Variants in HDAC9 observed in about 807,000 individuals in gnomAD.
The protein encoded by HDAC9 is MEF-2 interacting transcription repressor (MITR) protein.
HDAC9 carries 41 observed loss-of-function variants against 139.4 expected under a neutral mutation model. The ratio of observed to expected loss-of-function variants is 0.29; its 90% CI spans 0.23 to 0.38. The LOEUF (loss-of-function observed/expected upper bound fraction) is 0.38, where lower values mean the gene tolerates loss of function less well. Among genes scored for constraint, HDAC9 ranks in the 10% least tolerant of loss-of-function variants. The pLI is 1.00. For synonymous variants in HDAC9, 517 were observed against 476.2 expected, an observed-to-expected ratio of 1.09 and a Z score of -1.12; for missense variants, 1,147 against 1,297.0, an observed-to-expected ratio of 0.88 and a Z score of 1.78.
At position 18,162,346 on chromosome 7, in the gene HDAC9, C is replaced by G. The variant is rs1310207958; in HGVS notation, c.22C>G (p.Pro8Ala). The change falls in exon 2 of 13, where the codon CCT (proline) becomes GCT (alanine). Residue 8 changes from proline to alanine, a missense_variant. Physicochemically the swap from Pro to Ala is conservative, Grantham distance 27. Coordinates refer to the HDAC9 transcript ENST00000417496. ...TCTCATGATGAGCTCACCTGCACAGCCTGGTCAGTCTGGTTGCTTCTTAAA... is the reference window on the plus strand; with the variant it reads ...TCTCATGATGAGCTCACCTGCACAGGCTGGTCAGTCTGGTTGCTTCTTAAA... 4 of 1,534,886 alleles carry G rather than the reference C, an allele frequency of 2.6e-6. No individual in the cohort carries two copies. In the African/African-American group the frequency reaches 4.1e-5, roughly 16 times the overall value.
chr7:18,286,257 G>A (rs1797444815), upstream of HDAC9, among the ~76,000 whole-genome samples: 1 of 151,652 alleles, frequency 6.6e-6, no homozygotes, highest in Non-Finnish European at 1.5e-5. Context: ...AAAAGAAAAG[G>A]TAATATCTCT....
rs372552030 is a variant in HDAC9, at chr7:18,109,557, CACATTAAGATATT to C, written c.-97+22346_-97+22358del. On this transcript the variant is annotated intron_variant, in intron 1 of 12. Coordinates refer to the HDAC9 transcript ENST00000417496. ...TACATAGATGGATTTCATAGAGAGG[CACATTAAGATATT>C]AACAGTGCTGAGAAGTGCAGCAATA... is the stretch of plus-strand genomic sequence containing the variant. Among the ~76,000 whole-genome samples, 592 of 151,996 alleles carry C rather than the reference CACATTAAGATATT, an allele frequency of 3.9e-3. 1 individual carries two copies. The highest frequency in any genetic ancestry group is 6.0e-3 in the Non-Finnish European group (409 of 67,974).
chr7:18,913,762 A>G (rs563377870), intron 22 of HDAC9, among the ~76,000 whole-genome samples: 1 of 152,212 alleles, frequency 6.6e-6, no homozygotes, highest in South Asian at 2.1e-4. Flanking sequence ...CAGTGAATGG[A>G]TTAAAAAACA....
At chr7:18,994,043 G>A (rs1786246037) in intron 25 of HDAC9, among the ~76,000 whole-genome samples, 1 of 152,194 alleles carries the variant, frequency 6.6e-6, no homozygotes, top group African/African-American at 2.4e-5. Flanking sequence ...GTGGGTTGCA[G>A]TGTAGACAGC....
At chr7:18,558,158 C>G (rs1313213089) in intron 2 of HDAC9, among the ~76,000 whole-genome samples, 3 of 152,100 alleles carry the variant, frequency 2.0e-5, no homozygotes, top group African/African-American at 7.2e-5. Context: ...GTCATCTTCT[C>G]TGATCCATCA....
chr7:18,786,666 C>T lies in HDAC9; in HGVS notation c.2215-6679C>T, dbSNP rs1206357561. On this transcript the variant is annotated intron_variant, in intron 16 of 25. Transcript: ENST00000686413. ...TCTTCCCTCCTTCTTTCCTCCCTTC[C>T]TCCCTTCCTTCCTTTTTGCTCACAT... 2.4e-4 allele frequency among the ~76,000 whole-genome samples: 29 copies of T among 119,652 alleles called. 2 individuals are homozygous for T. The highest frequency in any genetic ancestry group is 1.9e-4 in the Non-Finnish European group (11 of 58,466). The allele number at this position is 119,652 out of a possible 152,430, so 78.5% of individuals were successfully genotyped here. A position where few individuals can be genotyped will look rare whatever the true frequency, so the allele number is the denominator to read the frequency against.
At position 18,537,399 on chromosome 7, in the gene HDAC9, A is replaced by G. The variant is rs1390799952; in HGVS notation, c.22+41075A>G. Among the ~76,000 whole-genome samples, 4 of 152,210 alleles carry G rather than the reference A, an allele frequency of 2.6e-5. 1 individual carries two copies. The highest frequency in any genetic ancestry group is 4.1e-4 in the South Asian group (2 of 4,832). On this transcript the variant is annotated intron_variant, in intron 2 of 25. Transcript: ENST00000686413. Reference sequence around the variant, plus strand: ...TGAAAAATAGCTTGTATCGAATTGCATTTTACAGTGATTGTGCTGCACTCA... The same window carrying G: ...TGAAAAATAGCTTGTATCGAATTGCGTTTTACAGTGATTGTGCTGCACTCA...
At chr7:18,696,516 G>C (rs1455742722) in intron 12 of HDAC9, among the ~76,000 whole-genome samples, 2 of 149,600 alleles carry the variant, frequency 1.3e-5, no homozygotes, top group East Asian at 1.9e-4. Flanking sequence ...TCTCCAGGCT[G>C]GAGTGCAGTG....
At chr7:18,590,288 TGA>T in intron 3 of HDAC9, 46 bp from the exon 4 acceptor site, 1 of 1,600,222 alleles carries the variant, frequency 6.2e-7, no homozygotes, top group Non-Finnish European at 8.5e-7. Flanking sequence ...GTGATGACTA[TGA>T]AGCCTAAAGA....
chr7:18,449,096 CT>C (rs1351218761), intron 1 of HDAC9, among the ~76,000 whole-genome samples: 1 of 152,032 alleles, frequency 6.6e-6, no homozygotes, highest in Non-Finnish European at 1.5e-5. Flanking sequence ...GTATGTATAC[CT>C]TAAGACCCTG....
chr7:18,483,388 G>A (rs1016654701), intron 1 of HDAC9, among the ~76,000 whole-genome samples: 1 of 152,278 alleles, frequency 6.6e-6, no homozygotes, highest in Non-Finnish European at 1.5e-5. Context: ...TTCAGAAAAA[G>A]CAGAATAAAG....
intron 2 of HDAC9, among the ~76,000 whole-genome samples, chr7:18,200,558 G>A (rs1378420736): frequency 6.6e-6 from 1 of 152,062 alleles, no homozygotes; most frequent in Non-Finnish European, 1.5e-5. Context: ...TATCACATTG[G>A]ACTCCAGATA....
intron 2 of HDAC9, among the ~76,000 whole-genome samples, chr7:18,196,147 C>T (rs953549390): frequency 6.6e-6 from 1 of 152,144 alleles, no homozygotes; most frequent in South Asian, 2.1e-4. Context: ...TTGCCTTGCA[C>T]AGTGCCTGGC....
At chr7:18,392,371 GTCTC>G (rs929305593) in intron 1 of HDAC9, among the ~76,000 whole-genome samples, 2 of 132,408 alleles carry the variant, frequency 1.5e-5, no homozygotes, top group African/African-American at 2.8e-5. Context: ...TCTAATCTCT[GTCTC>G]TCTAGATAGA....
At chr7:18,405,647 T>C (rs1787937618) in intron 1 of HDAC9, among the ~76,000 whole-genome samples, 1 of 152,020 alleles carries the variant, frequency 6.6e-6, no homozygotes, top group Admixed American at 6.5e-5. Context: ...ATCTTTTGAA[T>C]GTGCAGGATT....
intron 1 of HDAC9, among the ~76,000 whole-genome samples, chr7:18,397,939 T>C (rs1364834533): frequency 6.6e-6 from 1 of 152,188 alleles, no homozygotes; most frequent in Non-Finnish European, 1.5e-5. Flanking sequence ...TATTTCATCC[T>C]AAGAAGCGGG....
rs936212100 is a variant in HDAC9 at position 18,935,806 on chromosome 7, T to C, written c.2804-3T>C. On this transcript the variant is annotated splice_polypyrimidine_tract_variant and splice_region_variant and intron_variant, in intron 22 of 25. Transcript: ENST00000686413. ...TTGAAATGTTCTGTTTGTATTATGG[T>C]AGGTTTTGGTCATTTGACGAAGCAA... The C allele has an allele frequency of 4.3e-6, 7 of 1,611,976 alleles. No individual in the cohort carries two copies. The African/African-American group carries it at 6.7e-5, about 15-fold the overall frequency.
At chr7:18,947,306 A>G (rs1326735375) in intron 23 of HDAC9, among the ~76,000 whole-genome samples, 3 of 152,042 alleles carry the variant, frequency 2.0e-5, no homozygotes, top group Non-Finnish European at 2.9e-5. Flanking sequence ...AGATTTTTAA[A>G]GTCAGAGGTT....
chr7:18,711,171 G>A (rs1206736960), intron 12 of HDAC9, among the ~76,000 whole-genome samples: 1 of 152,092 alleles, frequency 6.6e-6, no homozygotes, highest in African/African-American at 2.4e-5. Flanking sequence ...CAAAAGATGG[G>A]GCAACTGAGG....
Sources: allele counts gnomAD v4.1 joint callset (sites outside exome capture counted in the v4.1 genomes callset), GRCh38; gene constraint gnomAD v4.1.1; transcripts MANE v1.5; gene names NCBI Gene and HGNC (gene_info 2026-07-23, HGNC 2026-07-21).